Variants in COX7B2 observed in about 807,000 individuals in gnomAD.
The protein encoded by COX7B2 is cytochrome c oxidase subunit 7B2, mitochondrial.
For synonymous variants in COX7B2, 37 were observed against 32.1 expected, an observed-to-expected ratio of 1.15 and a Z score of -0.51; for missense variants, 109 against 95.9, an observed-to-expected ratio of 1.14 and a Z score of -0.57.
intron 1 of COX7B2, among the ~76,000 whole-genome samples, chr4:46,853,858 T>G (rs1716851093): frequency 6.6e-6 from 1 of 152,166 alleles, no homozygotes; most frequent in Non-Finnish European, 1.5e-5. Flanking sequence ...TTAAACTGTT[T>G]CCATTTCAAT....
At chr4:46,755,696 A>G (rs1308446761) in intron 2 of COX7B2, among the ~76,000 whole-genome samples, 1 of 152,098 alleles carries the variant, frequency 6.6e-6, no homozygotes, top group East Asian at 1.9e-4. Flanking sequence ...GACCAAATCA[A>G]GAAGGCAATC....
At chr4:46,782,055 C>T (rs576377750) in intron 2 of COX7B2, among the ~76,000 whole-genome samples, 272 of 152,280 alleles carry the variant, frequency 1.8e-3, no homozygotes, top group African/African-American at 6.0e-3. Flanking sequence ...GCACGTGGCG[C>T]GGACTGGTGG....
intron 2 of COX7B2, among the ~76,000 whole-genome samples, chr4:46,778,474 T>C (rs1251838146): frequency 6.6e-6 from 1 of 152,154 alleles, no homozygotes; most frequent in Non-Finnish European, 1.5e-5. Context: ...TCAGTTTCAT[T>C]ATTTTTTATG....
intron 1 of COX7B2, among the ~76,000 whole-genome samples, chr4:46,859,354 G>T (rs913350782): frequency 3.9e-5 from 6 of 152,132 alleles, no homozygotes; most frequent in African/African-American, 1.4e-4. Flanking sequence ...CCTATTGAAA[G>T]GAGCACAGAT....
At chr4:46,748,316 C>T (rs11945399) in intron 2 of COX7B2, among the ~76,000 whole-genome samples, 8,864 of 152,202 alleles carry the variant, frequency 0.058, 348 homozygotes, top group South Asian at 0.16. Context: ...ATATACCCAC[C>T]ATGAAAGTAC....
chr4:46,899,576 T>TGA (rs1255662800), intron 1 of COX7B2, among the ~76,000 whole-genome samples: 4 of 152,092 alleles, frequency 2.6e-5, no homozygotes, highest in Non-Finnish European at 5.9e-5. Flanking sequence ...TTTTCGCCAA[T>TGA]GAGAGAGAGA....
chr4:46,858,743 A>C lies in COX7B2; in HGVS notation c.-104-13729T>G, dbSNP rs544182974. Among the ~76,000 whole-genome samples the C allele has an allele frequency of 3.3e-5, 5 of 152,124 alleles. 1 individual carries two copies. The South Asian group carries it at 1.0e-3, about 31-fold the overall frequency. On this transcript the variant is annotated intron_variant, in intron 1 of 2. Transcript: ENST00000355591. Reference sequence around the variant, plus strand: ...ATGTGGCATTTGCCTGAGTCATAGGAGTTGTCAAGATTCTCAGTCACAGCC... The same window carrying C: ...ATGTGGCATTTGCCTGAGTCATAGGCGTTGTCAAGATTCTCAGTCACAGCC...
intron 2 of COX7B2, among the ~76,000 whole-genome samples, chr4:46,811,723 C>G (rs1179196201): frequency 6.6e-6 from 1 of 152,126 alleles, no homozygotes; most frequent in African/African-American, 2.4e-5. Flanking sequence ...TCTTGTGTCT[C>G]TGAATTGATG....
chr4:46,895,250 A>G (rs1290112963), intron 1 of COX7B2, among the ~76,000 whole-genome samples: 2 of 152,354 alleles, frequency 1.3e-5, no homozygotes, highest in African/African-American at 4.8e-5. Flanking sequence ...ACGCCCATCA[A>G]TAACAGATTG....
chr4:46,737,216 T>A (rs1446693500), intron 2 of COX7B2, among the ~76,000 whole-genome samples: 1 of 152,198 alleles, frequency 6.6e-6, no homozygotes, highest in Non-Finnish European at 1.5e-5. Context: ...TTTATATGCT[T>A]GTTTGCCATC....
intron 2 of COX7B2, among the ~76,000 whole-genome samples, chr4:46,753,781 A>G (rs2109441756): frequency 6.6e-6 from 1 of 152,164 alleles, no homozygotes; most frequent in East Asian, 1.9e-4. Flanking sequence ...CAGGCAACCT[A>G]CAGAATGGGA....
chr4:46,795,111 A>AATAACTGTACAC, intron 2 of COX7B2, among the ~76,000 whole-genome samples: 1 of 139,092 alleles, frequency 7.2e-6, no homozygotes, highest in African/African-American at 3.0e-5. Context: ...CCTTTGTCAG[A>AATAACTGTACAC]TGAGTAGGTT....
chr4:46,740,254 C>T (rs558572134), intron 2 of COX7B2, among the ~76,000 whole-genome samples: 2 of 152,136 alleles, frequency 1.3e-5, no homozygotes, highest in South Asian at 4.1e-4. Flanking sequence ...TAACCACAGA[C>T]ATGTGAAAAT....
chr4:46,790,980 T>C (rs1718010355), intron 2 of COX7B2, among the ~76,000 whole-genome samples: 2 of 152,090 alleles, frequency 1.3e-5, no homozygotes, highest in Non-Finnish European at 2.9e-5. Context: ...CCTAATATTA[T>C]GTAACAGTAA....
chr4:46,738,835 C>G (rs1405506268), intron 2 of COX7B2, among the ~76,000 whole-genome samples: 2 of 151,974 alleles, frequency 1.3e-5, no homozygotes, highest in African/African-American at 4.8e-5. Context: ...GTAAAAGTTC[C>G]CTCATGCCCA....
At chr4:46,771,581 G>C (rs7438079) in intron 2 of COX7B2, among the ~76,000 whole-genome samples, 47,962 of 151,684 alleles carry the variant, frequency 0.32, 7,921 homozygotes, top group South Asian at 0.47. Flanking sequence ...TTGCTTTACA[G>C]TTTTGAGTAT....
chr4:46,798,392 A>G (rs1718471783), intron 2 of COX7B2, among the ~76,000 whole-genome samples: 1 of 152,192 alleles, frequency 6.6e-6, no homozygotes, highest in Non-Finnish European at 1.5e-5. Context: ...GAGTGAGGCC[A>G]TCAAAGGAAG....
chr4:46,811,270 G>A (rs2109662126), intron 2 of COX7B2, among the ~76,000 whole-genome samples: 1 of 151,324 alleles, frequency 6.6e-6, no homozygotes, highest in East Asian at 1.9e-4. Context: ...TTATGTTTTT[G>A]GGGACTCCAA....
At chr4:46,741,989 T>A (rs1424787332) in intron 2 of COX7B2, among the ~76,000 whole-genome samples, 1 of 152,072 alleles carries the variant, frequency 6.6e-6, no homozygotes, top group African/African-American at 2.4e-5. Flanking sequence ...GGCGGAAAAA[T>A]AAAAAGAAGC....
Sources: gnomAD v4.1 joint callset for allele counts (sites outside exome capture counted in the v4.1 genomes callset) on GRCh38, gnomAD v4.1.1 for gene constraint, MANE v1.5 for transcripts, NCBI Gene and HGNC (gene_info 2026-07-23, HGNC 2026-07-21) for gene names.